The following SDK1 variants were observed in gnomAD, a reference collection of about 807,000 sequenced individuals.
SDK1 encodes sidekick cell adhesion molecule 1.
Under a neutral mutation model 245.5 loss-of-function variants are expected in SDK1, and 157 were observed. The ratio of observed to expected loss-of-function variants is 0.64; its 90% CI spans 0.56 to 0.73. SDK1 has a LOEUF of 0.73. Among genes scored for constraint, SDK1 ranks in the 30% least tolerant of loss-of-function variants. The pLI, the probability that SDK1 is intolerant of heterozygous loss-of-function variation, is 0.00. For missense variants in SDK1, 3,583 were observed against 3,002.3 expected (o/e 1.19, Z -4.52); for synonymous variants, 1,647 against 1,278.5 (o/e 1.29, Z -6.15).
At chr7:3,888,122 T>C (rs889563611) in intron 5 of SDK1, among the ~76,000 whole-genome samples, 8 of 152,240 alleles carry the variant, frequency 5.3e-5, no homozygotes, top group Admixed American at 4.6e-4. Context: ...TGGTTGAAGT[T>C]TGACTTCTCT....
chr7:3,999,693 G>A (rs897756421), intron 14 of SDK1, among the ~76,000 whole-genome samples: 3 of 152,218 alleles, frequency 2.0e-5, no homozygotes, highest in African/African-American at 7.2e-5. Flanking sequence ...AGAAGCTGGA[G>A]GCTGGAGGCT....
chr7:4,096,195 C>A (rs999194039), intron 22 of SDK1, among the ~76,000 whole-genome samples: 9 of 152,312 alleles, frequency 5.9e-5, no homozygotes, highest in African/African-American at 2.2e-4. Flanking sequence ...TGGAATAAGA[C>A]ACTCAGATCC....
At chr7:3,526,322 A>T (rs1017449202) in intron 1 of SDK1, among the ~76,000 whole-genome samples, 5 of 152,232 alleles carry the variant, frequency 3.3e-5, no homozygotes, top group Middle Eastern at 3.4e-3. Flanking sequence ...GGATTTTTTA[A>T]TTAGGATACC....
chr7:3,755,585 A>G (rs1009563478), intron 4 of SDK1, among the ~76,000 whole-genome samples: 1 of 152,184 alleles, frequency 6.6e-6, no homozygotes, highest in African/African-American at 2.4e-5. Flanking sequence ...TATGAGGAAC[A>G]GAGTCTGATA....
chr7:3,974,328 C>A (rs912611305), intron 12 of SDK1, 41 bp from the exon 13 acceptor site: 14 of 1,572,104 alleles, frequency 8.9e-6, no homozygotes, highest in Admixed American at 1.7e-5. Flanking sequence ...GATTCTGTCA[C>A]TGTGGGGTTT....
At chr7:3,523,622 C>A (rs1783019032) in intron 1 of SDK1, among the ~76,000 whole-genome samples, 1 of 152,110 alleles carries the variant, frequency 6.6e-6, no homozygotes, top group Admixed American at 6.6e-5. Flanking sequence ...GCTTTCCAAG[C>A]ATTTGTGATA....
At chr7:3,654,828 G>C (rs1025052873) in intron 4 of SDK1, among the ~76,000 whole-genome samples, 1 of 151,974 alleles carries the variant, frequency 6.6e-6, no homozygotes, top group Non-Finnish European at 1.5e-5. Flanking sequence ...ATTTTTCACT[G>C]GAAATAAAAT....
intron 17 of SDK1, among the ~76,000 whole-genome samples, chr7:4,032,763 A>G (rs1314270089): frequency 6.6e-6 from 1 of 152,346 alleles, no homozygotes; most frequent in African/African-American, 2.4e-5. Context: ...AGCTGGGGAT[A>G]AACTTAAGAA....
chr7:4,208,304 T>A lies in SDK1; in HGVS notation c.5401+19T>A, dbSNP rs1212897826. ...CAGGCCGGTAGGAGGAAGGCGGGTT[T>A]CCTTTGGGCAGGCCTCCTTGGACAC... On this transcript the variant is annotated intron_variant, in intron 37 of 44. Transcript: ENST00000404826. The A allele has an allele frequency of 6.2e-7, 1 of 1,605,792 alleles. No homozygotes were observed. Among genetic ancestry groups the A allele is most frequent in the Non-Finnish European group, 8.5e-7 (1 of 1,175,096 alleles).
At chr7:3,490,076 T>C (rs966805487) in intron 1 of SDK1, among the ~76,000 whole-genome samples, 2 of 152,242 alleles carry the variant, frequency 1.3e-5, no homozygotes, top group Admixed American at 6.5e-5. Context: ...GCTGGAATTA[T>C]TCTCTTCATA....
At chr7:3,371,336 C>T (rs776373285) in intron 1 of SDK1, among the ~76,000 whole-genome samples, 12 of 151,920 alleles carry the variant, frequency 7.9e-5, no homozygotes, top group Non-Finnish European at 4.4e-5. Context: ...GAGCATGTGG[C>T]GTAGGAAAAA....
At chr7:3,425,704 C>A (rs1164471788) in intron 1 of SDK1, among the ~76,000 whole-genome samples, 1 of 152,066 alleles carries the variant, frequency 6.6e-6, no homozygotes, top group Non-Finnish European at 1.5e-5. Flanking sequence ...ATAAAATGAT[C>A]ATTAATTAGG....
At chr7:4,184,273 C>T (rs1423850239) in intron 35 of SDK1, among the ~76,000 whole-genome samples, 3 of 152,142 alleles carry the variant, frequency 2.0e-5, no homozygotes, top group Non-Finnish European at 2.9e-5. Context: ...TGCTGTGGTC[C>T]CATAGGTAAG....
chr7:3,338,761 T>C (rs1044326920), intron 1 of SDK1, among the ~76,000 whole-genome samples: 21 of 152,182 alleles, frequency 1.4e-4, no homozygotes, highest in African/African-American at 5.1e-4. Context: ...CTGGTAAAAA[T>C]GTTGATACCG....
intron 35 of SDK1, among the ~76,000 whole-genome samples, chr7:4,199,996 G>A (rs1396184197): frequency 1.3e-5 from 2 of 152,228 alleles, no homozygotes; most frequent in Non-Finnish European, 1.5e-5. Context: ...TCAGGAGGCT[G>A]AGGCAGGAGA....
At chr7:3,958,903 G>T in intron 7 of SDK1, 28 bp from the exon 8 acceptor site, 1 of 1,577,866 alleles carries the variant, frequency 6.3e-7, no homozygotes, top group South Asian at 1.1e-5. Context: ...TTTGGCTTAG[G>T]GGCTTTTTTT....
chr7:3,766,592 T>C (rs1001883118), intron 4 of SDK1, among the ~76,000 whole-genome samples: 3 of 152,172 alleles, frequency 2.0e-5, no homozygotes, highest in East Asian at 3.8e-4. Context: ...GCAGTACTTT[T>C]AGTAAGGATT....
chr7:3,444,380 C>G (rs148651531), intron 1 of SDK1, among the ~76,000 whole-genome samples: 4 of 152,066 alleles, frequency 2.6e-5, no homozygotes, highest in Admixed American at 6.6e-5. Context: ...TTTTCTCTAC[C>G]GTAGTCTCTT....
intron 4 of SDK1, among the ~76,000 whole-genome samples, chr7:3,685,269 G>T (rs1784245951): frequency 6.6e-6 from 1 of 151,264 alleles, no homozygotes; most frequent in South Asian, 2.1e-4. Flanking sequence ...GAAAATGACA[G>T]CAGTCATTCG....
Sources: gnomAD v4.1 joint callset for allele counts (sites outside exome capture counted in the v4.1 genomes callset) on GRCh38, gnomAD v4.1.1 for gene constraint, MANE v1.5 for transcripts, NCBI Gene and HGNC (gene_info 2026-07-23, HGNC 2026-07-21) for gene names.